EPB41L3: variants seen among roughly 807,000 people sequenced by gnomAD.
EPB41L3 encodes band 4.1-like protein 3.
Under a neutral mutation model 127.1 loss-of-function variants are expected in EPB41L3, and 57 were observed. The observed-to-expected ratio is 0.45, with a 90% CI of 0.36 to 0.56. The LOEUF is 0.56. Ranked by LOEUF, EPB41L3 falls within the 20% of genes least tolerant of loss-of-function variation. The pLI is 0.00. For missense variants in EPB41L3, 1,273 were observed against 1,372.2 expected, an observed-to-expected ratio of 0.93 and a Z score of 1.14; for synonymous variants, 572 against 549.5, an observed-to-expected ratio of 1.04 and a Z score of -0.57.
intron 3 of EPB41L3, among the ~76,000 whole-genome samples, chr18:5,609,407 C>T (rs114244573): frequency 0.011 from 1,609 of 152,272 alleles, 32 homozygotes; most frequent in African/African-American, 0.037. Context: ...AATCTTCCTG[C>T]TGTCTATTCT....
chr18:5,600,209 G>T (rs1046533885), intron 3 of EPB41L3, among the ~76,000 whole-genome samples: 6 of 152,120 alleles, frequency 3.9e-5, no homozygotes, highest in African/African-American at 9.7e-5. Context: ...AGTTTACCAA[G>T]GGTTGAGGCA....
At chr18:5,548,562 G>A (rs537001093), upstream of EPB41L3, among the ~76,000 whole-genome samples, 1 of 152,188 alleles carries the variant, frequency 6.6e-6, no homozygotes, top group African/African-American at 2.4e-5. Flanking sequence ...AGACTTAAAG[G>A]TGGACCCATA....
intron 3 of EPB41L3, among the ~76,000 whole-genome samples, chr18:5,596,974 C>G (rs2094542661): frequency 6.6e-6 from 1 of 152,132 alleles, no homozygotes; most frequent in Admixed American, 6.6e-5. Flanking sequence ...TCTATCCCAG[C>G]TACTCAGGAG....
At chr18:5,423,113 G>A (rs1392041474) in intron 11 of EPB41L3, among the ~76,000 whole-genome samples, 2 of 152,014 alleles carry the variant, frequency 1.3e-5, no homozygotes, top group Non-Finnish European at 2.9e-5. Context: ...CCAAATTCAG[G>A]GTGTCAGCTT....
chr18:5,481,047 G>C (rs2088386643), intron 2 of EPB41L3: 1 of 152,058 alleles, frequency 6.6e-6, no homozygotes, highest in Non-Finnish European at 1.5e-5. Context: ...AACCATGATG[G>C]CTACAACAGT....
At chr18:5,555,315 C>T (rs77811968) in intron 3 of EPB41L3, among the ~76,000 whole-genome samples, 2,537 of 152,254 alleles carry the variant, frequency 0.017, 70 homozygotes, top group African/African-American at 0.057. Flanking sequence ...ATGCAACCTC[C>T]ATACTTCAAG....
intron 6 of EPB41L3, among the ~76,000 whole-genome samples, chr18:5,434,827 T>A (rs979489165): frequency 4.6e-5 from 7 of 152,218 alleles, no homozygotes; most frequent in Admixed American, 4.6e-4. Context: ...CTCCTTCTAT[T>A]TGTAAAAATA....
intron 3 of EPB41L3, among the ~76,000 whole-genome samples, chr18:5,550,755 C>G (rs1415530855): frequency 6.6e-6 from 1 of 152,220 alleles, no homozygotes; most frequent in Non-Finnish European, 1.5e-5. Context: ...ATGTTTGCCA[C>G]TCTGGAACCA....
chr18:5,560,127 G>A (rs1347470032), intron 3 of EPB41L3, among the ~76,000 whole-genome samples: 7 of 152,182 alleles, frequency 4.6e-5, no homozygotes, highest in Admixed American at 3.3e-4. Flanking sequence ...TCGTTTGCTG[G>A]ATTAGGTTTT....
At chr18:5,415,346 T>G (rs2076667436) in intron 13 of EPB41L3, among the ~76,000 whole-genome samples, 18 of 152,344 alleles carry the variant, frequency 1.2e-4, no homozygotes, top group Non-Finnish European at 1.5e-5. Context: ...AGGGAGGAGA[T>G]ACCTTTGCAA....
At chr18:5,568,826 C>T (rs2094241859) in intron 3 of EPB41L3, among the ~76,000 whole-genome samples, 1 of 152,170 alleles carries the variant, frequency 6.6e-6, no homozygotes, top group Non-Finnish European at 1.5e-5. Flanking sequence ...CACTTCTCAC[C>T]AGATACTGGA....
intron 2 of EPB41L3, among the ~76,000 whole-genome samples, chr18:5,485,124 A>C: frequency 6.6e-6 from 1 of 152,186 alleles, no homozygotes; most frequent in Non-Finnish European, 1.5e-5. Context: ...CAATACATTA[A>C]AAAGGGGACT....
At chr18:5,469,107 C>T (rs2147454071) in intron 3 of EPB41L3, among the ~76,000 whole-genome samples, 1 of 152,306 alleles carries the variant, frequency 6.6e-6, no homozygotes. Context: ...AACTCAGGAA[C>T]TGCTGAAAAG....
chr18:5,469,643 C>G (rs986083991), intron 3 of EPB41L3, among the ~76,000 whole-genome samples: 1 of 152,280 alleles, frequency 6.6e-6, no homozygotes, highest in East Asian at 1.9e-4. Context: ...CAAGCATAGG[C>G]GCCACCCGCC....
intron 8 of EPB41L3, 152 bp from the exon 9 acceptor site, chr18:5,428,617 C>A: frequency 1.1e-6 from 1 of 882,634 alleles, no homozygotes. Flanking sequence ...TACCATTAAA[C>A]ATTAGCCTTT....
chr18:5,616,826 T>G (rs931854447), intron 1 of EPB41L3, among the ~76,000 whole-genome samples: 2 of 152,194 alleles, frequency 1.3e-5, no homozygotes, highest in South Asian at 2.1e-4. Flanking sequence ...TATGGTTCAT[T>G]TTTGTGGTTG....
chr18:5,414,415 TC>T (rs2076546567), intron 13 of EPB41L3, among the ~76,000 whole-genome samples: 2 of 149,476 alleles, frequency 1.3e-5, no homozygotes, highest in East Asian at 3.9e-4. Flanking sequence ...GTGAGACCAT[TC>T]ACATTTTTTT....
intron 1 of EPB41L3, among the ~76,000 whole-genome samples, chr18:5,527,566 A>G (rs1396800392): frequency 2.0e-5 from 3 of 152,222 alleles, no homozygotes; most frequent in Non-Finnish European, 2.9e-5. Context: ...TCCTGTTGCC[A>G]TGAAGCTGAT....
intron 13 of EPB41L3, among the ~76,000 whole-genome samples, chr18:5,412,144 T>C (rs1402077726): frequency 6.6e-6 from 1 of 152,168 alleles, no homozygotes. Flanking sequence ...TGTTCAGGTG[T>C]ACAGAATAAC....
Sources: allele counts gnomAD v4.1 joint callset (sites outside exome capture counted in the v4.1 genomes callset), GRCh38; gene constraint gnomAD v4.1.1; transcripts MANE v1.5; gene names NCBI Gene and HGNC (gene_info 2026-07-23, HGNC 2026-07-21).